The following CASZ1 variants were observed in gnomAD, a reference collection of about 807,000 sequenced individuals.
CASZ1 encodes castor zinc finger 1, also known as zinc finger protein castor homolog 1.
In CASZ1, 28 loss-of-function variants were observed where a neutral mutation model predicts 135.2. The observed-to-expected ratio is 0.21, with a 90% CI of 0.15 to 0.28. The LOEUF (loss-of-function observed/expected upper bound fraction) is 0.28. Ranked by LOEUF, CASZ1 falls within the 10% of genes least tolerant of loss-of-function variation. CASZ1 has a pLI of 1.00. For synonymous variants in CASZ1, 1,068 were observed against 1,073.4 expected, an observed-to-expected ratio of 0.99 and a Z score of 0.10; for missense variants, 2,161 against 2,453.3, an observed-to-expected ratio of 0.88 and a Z score of 2.52.
chr1:10,725,062 T>A lies in CASZ1; in HGVS notation c.-76-19518A>T, dbSNP rs901167359. Among the ~76,000 whole-genome samples, 2 of 152,234 alleles carry A rather than the reference T, an allele frequency of 1.3e-5. No homozygotes were observed. Among genetic ancestry groups the A allele is most frequent in the South Asian group, 2.1e-4 (1 of 4,832 alleles). ...CACAGAGGACGGAGGGAAGCAGCCCTCGCAGACGTGCAGGTGGCTGTTCTT... is the reference window on the plus strand; with the variant it reads ...CACAGAGGACGGAGGGAAGCAGCCCACGCAGACGTGCAGGTGGCTGTTCTT... On this transcript the variant is annotated intron_variant, in intron 2 of 20. Transcript: ENST00000377022. The surrounding 1 kb of genome is among the most constrained non-coding windows in gnomAD (Gnocchi z 4.4).
At chr1:10,732,320 CAA>C (rs779997881) in intron 2 of CASZ1, among the ~76,000 whole-genome samples, 5 of 65,548 alleles carry the variant, frequency 7.6e-5, no homozygotes, top group African/African-American at 1.1e-4. Context: ...GACTCCGTCT[CAA>C]AAAAAAAAAA....
At chr1:10,768,156 G>C (rs772273968) in intron 1 of CASZ1, among the ~76,000 whole-genome samples, 1 of 152,188 alleles carries the variant, frequency 6.6e-6, no homozygotes, top group Admixed American at 6.5e-5. Context: ...AGGGGCCTCC[G>C]GGTTTTATCT....
chr1:10,702,848 C>G (rs1378157291), intron 3 of CASZ1, among the ~76,000 whole-genome samples: 9 of 152,160 alleles, frequency 5.9e-5, no homozygotes, highest in Non-Finnish European at 4.4e-5. Flanking sequence ...GCACAGGGCT[C>G]TCTGCACGAT....
chr1:10,647,436 A>C lies in CASZ1; in HGVS notation c.3497+365T>G, dbSNP rs1437132249. 1 of 1,154,950 alleles carries C rather than the reference A, an allele frequency of 8.7e-7. No individual in the cohort carries two copies. The highest frequency in any genetic ancestry group is 1.1e-6 in the Non-Finnish European group (1 of 930,850). The allele number at this position is 1,154,950 out of a possible 1,614,324, so 71.5% of individuals were successfully genotyped here. On this transcript the variant is annotated intron_variant, in intron 16 of 20. Coordinates refer to ENST00000377022, the MANE Select transcript of CASZ1 (RefSeq NM_001079843.3). The surrounding 1 kb of genome is among the most constrained non-coding windows in gnomAD (Gnocchi z 4.9). ...ATTCAGCCATGGGTGTGAGCCACAGAGGAGGCCAATACGGAGGCTCGGAGG... is the reference window on the plus strand; with the variant it reads ...ATTCAGCCATGGGTGTGAGCCACAGCGGAGGCCAATACGGAGGCTCGGAGG...
rs975574311 is a variant in CASZ1, at chr1:10,770,242, G to A, written c.-233-9385C>T. Among the ~76,000 whole-genome samples the A allele has an allele frequency of 8.6e-5, 13 of 151,930 alleles. No individual in the cohort carries two copies. The South Asian group carries it at 1.0e-3, about 12-fold the overall frequency. ...TGGGACTACAGATGTGTACCATCACGCCTGCCTAATTTCTGTATCTTTTGT... is the reference window on the plus strand; with the variant it reads ...TGGGACTACAGATGTGTACCATCACACCTGCCTAATTTCTGTATCTTTTGT... On this transcript the variant is annotated intron_variant, in intron 1 of 20. Coordinates refer to ENST00000377022, the MANE Select transcript of CASZ1 (RefSeq NM_001079843.3).
intron 2 of CASZ1, among the ~76,000 whole-genome samples, chr1:10,753,355 C>T (rs1431987705): frequency 6.6e-6 from 1 of 152,118 alleles, no homozygotes; most frequent in Non-Finnish European, 1.5e-5. Context: ...TTCTGCCCTG[C>T]CCAGCCTCCT....
rs960356256 is a variant in CASZ1 at position 10,679,560 on chromosome 1, T to C, written c.17-13989A>G. On this transcript the variant is annotated intron_variant, in intron 4 of 20. Coordinates refer to ENST00000377022, the MANE Select transcript of CASZ1 (RefSeq NM_001079843.3). The surrounding 1 kb of genome is among the most constrained non-coding windows in gnomAD (Gnocchi z 4.7). ...GCCCCCCGCGGGCCCCTCCTCCCCA[T>C]ACCATAGTCCTGGTTCCCAGCCTGC... Among the ~76,000 whole-genome samples, 1 of 152,022 alleles carries C rather than the reference T, an allele frequency of 6.6e-6. No individual in the cohort carries two copies.
chr1:10,658,464 C>T (rs764847291), intron 7 of CASZ1, 44 bp downstream of exon 7: 5 of 1,540,044 alleles, frequency 3.2e-6, no homozygotes, highest in African/African-American at 1.4e-5. Flanking sequence ...TCAGTCCTGG[C>T]CCCCCACCTT....
intron 3 of CASZ1, among the ~76,000 whole-genome samples, chr1:10,695,727 C>G (rs546244478): frequency 3.9e-5 from 6 of 152,238 alleles, no homozygotes; most frequent in African/African-American, 1.4e-4. Context: ...TGAGGGTTCT[C>G]CCCTCCATGA....
At chr1:10,680,584 G>A (rs557153) in intron 4 of CASZ1, among the ~76,000 whole-genome samples, 5,795 of 152,284 alleles carry the variant, frequency 0.038, 370 homozygotes, top group African/African-American at 0.13. Flanking sequence ...ACTCCAGAGC[G>A]CAAAGGGTAG....
chr1:10,751,205 T>G (rs1640144554), intron 2 of CASZ1, among the ~76,000 whole-genome samples: 1 of 152,136 alleles, frequency 6.6e-6, no homozygotes, highest in African/African-American at 2.4e-5. Flanking sequence ...CCTAAATTAT[T>G]AATCCCCAGA....
rs1639911497 is a variant in CASZ1 at position 10,741,042 on chromosome 1, G to C, written c.-77+19659C>G. ...CAGTCTTACTCTGTTGCCTAGGCTG[G>C]AGAGCAATGGCACAATCTCAGCTCA... On this transcript the variant is annotated intron_variant, in intron 2 of 20. Coordinates refer to ENST00000377022, the MANE Select transcript of CASZ1 (RefSeq NM_001079843.3). The surrounding 1 kb of genome is among the most constrained non-coding windows in gnomAD (Gnocchi z 5.0). Among the ~76,000 whole-genome samples, 1 of 151,002 alleles carries C rather than the reference G, an allele frequency of 6.6e-6. No homozygotes were observed. Among genetic ancestry groups the C allele is most frequent in the Admixed American group, 6.6e-5 (1 of 15,160 alleles).
At chr1:10,683,392 T>G (rs1185270215) in intron 4 of CASZ1, among the ~76,000 whole-genome samples, 1 of 152,142 alleles carries the variant, frequency 6.6e-6, no homozygotes, top group Non-Finnish European at 1.5e-5. Flanking sequence ...GACAGCTGCC[T>G]GCAAAGCAGT....
intron 2 of CASZ1, among the ~76,000 whole-genome samples, chr1:10,723,765 A>G (rs1295717225): frequency 1.3e-5 from 2 of 152,098 alleles, no homozygotes; most frequent in Admixed American, 1.3e-4. Flanking sequence ...GTCCTTCAGG[A>G]CTAGATGCCC....
rs1639053157 is a variant in CASZ1 at position 10,701,201 on chromosome 1, G to A, written c.-24+4291C>T. 1.3e-5 allele frequency among the ~76,000 whole-genome samples: 2 copies of A among 152,206 alleles called. No individual in the cohort carries two copies. The highest frequency in any genetic ancestry group is 6.5e-5 in the Admixed American group (1 of 15,284). On this transcript the variant is annotated intron_variant, in intron 3 of 20. Coordinates refer to ENST00000377022, the MANE Select transcript of CASZ1 (RefSeq NM_001079843.3). The surrounding 1 kb of genome is among the most constrained non-coding windows in gnomAD (Gnocchi z 6.3). The stretch of plus-strand genomic sequence containing the variant: ...TCCTGGGCAGCTGCTCCCTGGCAGG[G>A]AAGCGGGTACGTGGCCCTCCTCCTG...
intron 1 of CASZ1, among the ~76,000 whole-genome samples, chr1:10,771,316 T>A (rs1640572405): frequency 6.6e-6 from 1 of 151,772 alleles, no homozygotes; most frequent in Non-Finnish European, 1.5e-5. Flanking sequence ...CTTAGAAGTT[T>A]TTATTATTAT....
Position 10,699,460 on chromosome 1 carries a change from A to C in CASZ1, c.-23-5548T>G, listed in dbSNP as rs1017709597. Among the ~76,000 whole-genome samples, 2 of 152,110 alleles carry C rather than the reference A, an allele frequency of 1.3e-5. No individual in the cohort carries two copies. Among genetic ancestry groups the C allele is most frequent in the African/African-American group, 4.8e-5 (2 of 41,400 alleles). The stretch of plus-strand genomic sequence containing the variant: ...CATCGGTGGGGGCATAAAGTGACCC[A>C]AGGTCTGAAAGCCAAGGTAGGTTGT... On this transcript the variant is annotated intron_variant, in intron 3 of 20. Transcript: ENST00000377022. The surrounding 1 kb of genome is among the most constrained non-coding windows in gnomAD (Gnocchi z 4.6).
chr1:10,710,848 C>T (rs1024532070), intron 2 of CASZ1, among the ~76,000 whole-genome samples: 7 of 152,236 alleles, frequency 4.6e-5, no homozygotes, highest in African/African-American at 1.7e-4. Context: ...AAGAAGCTTA[C>T]AAAAGGCCGG....
rs915734305 is a variant in CASZ1 at position 10,697,965 on chromosome 1, G to A, written c.-23-4053C>T. Among the ~76,000 whole-genome samples, 1 of 152,256 alleles carries A rather than the reference G, an allele frequency of 6.6e-6. No homozygotes were observed. Among genetic ancestry groups the A allele is most frequent in the African/African-American group, 2.4e-5 (1 of 41,474 alleles). On this transcript the variant is annotated intron_variant, in intron 3 of 20. Transcript: ENST00000377022. The surrounding 1 kb of genome is among the most constrained non-coding windows in gnomAD (Gnocchi z 4.7). ...CCAGCGAAGTGGACGGGAAGCATGG[G>A]GGCCGAGGGAGGGCAGAGCCAAGGC...
Sources: gnomAD v4.1 joint callset for allele counts (sites outside exome capture counted in the v4.1 genomes callset) on GRCh38, gnomAD v4.1.1 for gene constraint, Gnocchi (gnomAD v3.1) non-coding constraint, MANE v1.5 for transcripts, NCBI Gene and HGNC (gene_info 2026-07-23, HGNC 2026-07-21) for gene names.